Variants in ADAM12 observed in about 807,000 individuals in gnomAD.
The protein encoded by ADAM12 is disintegrin and metalloproteinase domain-containing protein 12.
A neutral mutation model predicts 106.4 loss-of-function variants in ADAM12; 70 were observed. The observed-to-expected ratio is 0.66, with a 90% CI of 0.54 to 0.80. The LOEUF (loss-of-function observed/expected upper bound fraction) is 0.80, where lower values mean the gene tolerates loss of function less well. Among genes scored for constraint, ADAM12 ranks in the 30% least tolerant of loss-of-function variants. The pLI, the probability that ADAM12 is intolerant of heterozygous loss-of-function variation, is 0.00. For synonymous variants in ADAM12, 420 were observed against 433.5 expected (o/e 0.97, Z 0.39); for missense variants, 1,010 against 1,171.9 (o/e 0.86, Z 2.02).
At chr10:126,243,403 C>G (rs2133659256) in intron 3 of ADAM12, among the ~76,000 whole-genome samples, 1 of 152,162 alleles carries the variant, frequency 6.6e-6, no homozygotes, top group Admixed American at 6.5e-5. Flanking sequence ...ATGCATCTTA[C>G]TTAATTCTCT....
intron 1 of ADAM12, among the ~76,000 whole-genome samples, chr10:126,370,930 A>T (rs1856091451): frequency 6.6e-6 from 1 of 152,234 alleles, no homozygotes; most frequent in East Asian, 1.9e-4. Flanking sequence ...GGCCATAGGG[A>T]TATTTTAACC....
intron 2 of ADAM12, among the ~76,000 whole-genome samples, chr10:126,283,967 A>G (rs1022917612): frequency 2.0e-5 from 3 of 152,178 alleles, no homozygotes; most frequent in Non-Finnish European, 4.4e-5. Flanking sequence ...TGTGTCCAGT[A>G]CCAAGTAGGA....
chr10:126,230,095 G>A (rs1330362091), intron 3 of ADAM12, among the ~76,000 whole-genome samples: 1 of 152,024 alleles, frequency 6.6e-6, no homozygotes, highest in African/African-American at 2.4e-5. Context: ...CCTTCTTGTG[G>A]TACTCTCCTT....
chr10:126,193,481 A>G (rs543619894), intron 3 of ADAM12, among the ~76,000 whole-genome samples: 22 of 152,152 alleles, frequency 1.4e-4, no homozygotes, highest in Non-Finnish European at 3.1e-4. Flanking sequence ...TTACTGGATT[A>G]ATTTATTGTG....
intron 3 of ADAM12, among the ~76,000 whole-genome samples, chr10:126,185,367 T>A (rs1448514839): frequency 6.6e-6 from 1 of 152,236 alleles, no homozygotes; most frequent in Non-Finnish European, 1.5e-5. Flanking sequence ...ATAGCCTTAG[T>A]GAAATGACTC....
intron 3 of ADAM12, among the ~76,000 whole-genome samples, chr10:126,227,153 AC>A (rs1245361337): frequency 6.6e-6 from 1 of 152,018 alleles, no homozygotes; most frequent in Non-Finnish European, 1.5e-5. Flanking sequence ...CACCATTGTC[AC>A]TACCATCACC....
At chr10:126,251,909 T>TGGATA (rs2133686430) in intron 3 of ADAM12, among the ~76,000 whole-genome samples, 1 of 115,044 alleles carries the variant, frequency 8.7e-6, no homozygotes, top group Non-Finnish European at 1.8e-5. Context: ...ATGGATAGGA[T>TGGATA]GGATGGATGG....
intron 1 of ADAM12, among the ~76,000 whole-genome samples, chr10:126,351,716 G>A (rs1855366402): frequency 6.6e-6 from 1 of 152,116 alleles, no homozygotes; most frequent in Admixed American, 6.5e-5. Flanking sequence ...CCAGGATCCA[G>A]GAACAAATCT....
intron 3 of ADAM12, among the ~76,000 whole-genome samples, chr10:126,247,688 C>T (rs1043239405): frequency 1.3e-5 from 2 of 152,156 alleles, no homozygotes; most frequent in African/African-American, 2.4e-5. Flanking sequence ...AGGAATTCTT[C>T]GCTGTTATCT....
intron 3 of ADAM12, among the ~76,000 whole-genome samples, chr10:126,209,340 A>G (rs1957857595): frequency 1.3e-5 from 2 of 152,226 alleles, no homozygotes; most frequent in Non-Finnish European, 2.9e-5. Flanking sequence ...ATTGTTTCAA[A>G]CTGATAAAAA....
chr10:126,264,567 T>A (rs1181748626), intron 3 of ADAM12, among the ~76,000 whole-genome samples: 3 of 152,166 alleles, frequency 2.0e-5, no homozygotes, highest in Admixed American at 2.0e-4. Flanking sequence ...AAGTGAGTAT[T>A]TCATAACATT....
chr10:126,064,635 C>T lies in ADAM12; in HGVS notation c.1609+171G>A, dbSNP rs746139564. ...ATTTCTGTGCACCCCATGCCCAGTG[C>T]GGCCTCAGACCCTCCCTGGGAGTCA... On this transcript the variant is annotated intron_variant, in intron 14 of 22. Transcript: ENST00000448723. The surrounding 1 kb of genome is among the most constrained non-coding windows in gnomAD (Gnocchi z 4.4). The T allele has an allele frequency of 1.0e-4, 69 of 681,100 alleles. No individual in the cohort carries two copies. The highest frequency in any genetic ancestry group is 3.6e-5 in the Non-Finnish European group (15 of 412,210). The allele number at this position is 681,100 out of a possible 1,614,324, so 42.2% of individuals were successfully genotyped here.
At chr10:126,325,337 G>A (rs922955604) in intron 2 of ADAM12, among the ~76,000 whole-genome samples, 1 of 152,220 alleles carries the variant, frequency 6.6e-6, no homozygotes, top group African/African-American at 2.4e-5. Context: ...CCAAGGGTTG[G>A]GAGGGAACTG....
chr10:126,126,782 GGGGAGAGCGTGCA>G (rs1170842799), intron 5 of ADAM12, among the ~76,000 whole-genome samples: 5 of 148,752 alleles, frequency 3.4e-5, no homozygotes, highest in African/African-American at 1.3e-4. Context: ...AGACGCTATA[GGGGAGAGCGTGCA>G]GGGCCTGGGT....
At chr10:126,326,244 A>G (rs893515209) in intron 2 of ADAM12, among the ~76,000 whole-genome samples, 2 of 152,104 alleles carry the variant, frequency 1.3e-5, no homozygotes, top group African/African-American at 2.4e-5. Flanking sequence ...ACCTGCCTCA[A>G]ACCATTTAAA....
intron 9 of ADAM12, 144 bp from the exon 10 acceptor site, chr10:126,098,644 T>A: frequency 1.5e-6 from 1 of 666,626 alleles, no homozygotes; most frequent in Non-Finnish European, 2.5e-6. Context: ...TGTGATTTTA[T>A]CTTTTTTCCC....
chr10:126,385,202 A>G (rs1856622017), intron 1 of ADAM12, among the ~76,000 whole-genome samples: 1 of 152,210 alleles, frequency 6.6e-6, no homozygotes, highest in Admixed American at 6.5e-5. Context: ...CCCTCCAGGA[A>G]CTTTGATTTG....
At chr10:126,267,364 T>C (rs1002979521) in intron 3 of ADAM12, among the ~76,000 whole-genome samples, 1 of 152,232 alleles carries the variant, frequency 6.6e-6, no homozygotes, top group African/African-American at 2.4e-5. Context: ...TATTGTGTAC[T>C]TTATTTCTAT....
chr10:126,042,097 C>G, intron 18 of ADAM12: 1 of 1,608,912 alleles, frequency 6.2e-7, no homozygotes, highest in Non-Finnish European at 8.5e-7. Context: ...TCCTCTGCAG[C>G]AGCACTGGTC....
Sources: gnomAD v4.1 joint callset for allele counts (sites outside exome capture counted in the v4.1 genomes callset) on GRCh38, gnomAD v4.1.1 for gene constraint, Gnocchi (gnomAD v3.1) non-coding constraint, MANE v1.5 for transcripts, NCBI Gene and HGNC (gene_info 2026-07-23, HGNC 2026-07-21) for gene names.